Variants in FAT2 observed in about 807,000 individuals in gnomAD.
The protein encoded by FAT2 is protocadherin Fat 2.
Under a neutral mutation model 295.3 loss-of-function variants are expected in FAT2, and 150 were observed. The observed-to-expected ratio is 0.51, with a 90% CI of 0.44 to 0.58. The LOEUF (loss-of-function observed/expected upper bound fraction) is 0.58, where lower values mean the gene tolerates loss of function less well. Ranked by LOEUF, FAT2 falls within the 20% of genes least tolerant of loss-of-function variation. The pLI is 0.00. For missense variants in FAT2, 4,868 were observed against 5,442.7 expected, an observed-to-expected ratio of 0.89 and a Z score of 3.32; for synonymous variants, 2,026 against 2,150.3, an observed-to-expected ratio of 0.94 and a Z score of 1.60.
At chr5:151,537,522 C>A (rs1169208821) in intron 12 of FAT2, among the ~76,000 whole-genome samples, 1 of 151,794 alleles carries the variant, frequency 6.6e-6, no homozygotes, top group Non-Finnish European at 1.5e-5. Flanking sequence ...TAAAATAAAT[C>A]CCCTTAGCAT....
In FAT2 at chr5:151,529,305, G is replaced by C. The variant is rs778466337; in HGVS notation, c.9899C>G (p.Ser3300Cys). ...CATGACTGTGGTCACGTCACTGAGG[G>C]AAGAGGAGCTCTTCCGGCTGCACTC... ...SIECSRKSSS[S>C]LSDVTTVMVN... The change falls in exon 15 of 24, where the codon TCC (serine) becomes TGC (cysteine). Residue 3300 changes from serine (S) to cysteine (C), a missense_variant. Physicochemically the swap from Ser to Cys is moderately radical, Grantham distance 112. Transcript: ENST00000261800. 3 of 1,614,098 alleles carry C rather than the reference G, an allele frequency of 1.9e-6. No individual in the cohort carries two copies. The highest frequency in any genetic ancestry group is 2.5e-6 in the Non-Finnish European group (3 of 1,179,998).
At chr5:151,563,676 G>T (rs1397535478) in intron 2 of FAT2, 37 bp from the exon 3 acceptor site, 1 of 1,580,028 alleles carries the variant, frequency 6.3e-7, no homozygotes, top group African/African-American at 1.4e-5. Context: ...AAATACTTTA[G>T]AGCTCAAAGT....
In FAT2 at chr5:151,542,401, T is replaced by G; in HGVS notation, c.8726A>C (p.Glu2909Ala). 1 of 1,614,142 alleles carries G rather than the reference T, an allele frequency of 6.2e-7. No individual in the cohort carries two copies. Among genetic ancestry groups the G allele is most frequent in the Non-Finnish European group, 8.5e-7 (1 of 1,180,032 alleles). Residue 2909 changes from glutamate (E) to alanine (A), a missense_variant, in exon 10 of 24, where the codon GAA (glutamate) becomes GCA (alanine). Coordinates refer to ENST00000261800, the MANE Select transcript of FAT2 (RefSeq NM_001447.3). Reference sequence around the variant, plus strand: ...CTCAACCACAGATCCTCTGTACTCTTCAGAAGCAAATCGGGGAGCATTGTC... The same window carrying G: ...CTCAACCACAGATCCTCTGTACTCTGCAGAAGCAAATCGGGGAGCATTGTC... ...ENDNAPRFASEEYRGSVVENS... is the reference protein window; with the variant it reads ...ENDNAPRFASAEYRGSVVENS...
At position 151,512,411 on chromosome 5, in the gene FAT2, G is replaced by A. The variant is rs2127570626; in HGVS notation, c.11659C>T (p.Pro3887Ser). The change falls in exon 21 of 24, where the codon CCC becomes TCC. Residue 3887 changes from proline to serine, a missense_variant. By Grantham distance (74) the Pro-to-Ser change is moderately conservative (BLOSUM62 -1). Around this residue, in one of 5 missense-constraint regions of FAT2, gnomAD observed 1,046 missense variants for 1,210.1 expected, o/e 0.86. Transcript: ENST00000261800. The surrounding 1 kb of genome is among the most constrained non-coding windows in gnomAD (Gnocchi z 4.1). ...CCGCCCAGCAAGAGGTGCCTTTCGGGCCTCAGACCACGGCAGTTCTCTGGG... is the reference window on the plus strand; with the variant it reads ...CCGCCCAGCAAGAGGTGCCTTTCGGACCTCAGACCACGGCAGTTCTCTGGG... ...VVPENCRGLR[P>S]ERHLLLGGLI... The A allele has an allele frequency of 6.2e-7, 1 of 1,614,246 alleles. No individual in the cohort carries two copies. The highest frequency in any genetic ancestry group is 1.1e-5 in the South Asian group (1 of 91,084).
chr5:151,554,748 T>C, intron 4 of FAT2, 75 bp from the exon 5 acceptor site: 1 of 1,125,302 alleles, frequency 8.9e-7, no homozygotes. Context: ...AACCTGGAAA[T>C]AGTAGTCACT....
chr5:151,520,346 G>T (rs1459504975), intron 19 of FAT2, among the ~76,000 whole-genome samples: 1 of 152,254 alleles, frequency 6.6e-6, no homozygotes, highest in African/African-American at 2.4e-5. Context: ...AGGCTTTAGA[G>T]TGGGACACAC....
Position 151,566,539 on chromosome 5 carries a change from G to A in FAT2, c.2393C>T (p.Pro798Leu), listed in dbSNP as rs779532369. The change falls in exon 2 of 24, where the codon CCC (proline) becomes CTC (leucine). Residue 798 changes from proline (P) to leucine (L), a missense_variant. Pro to Leu is a moderately conservative substitution (Grantham distance 98). This residue lies in a region of FAT2 where 3,297 missense variants were observed against 3,669.4 expected (regional missense o/e 0.90). Transcript: ENST00000261800. ...LNVTVYDLGT[P>L]QKSSWKLLTV... ...CAGCAGCTTCCAGGAGGACTTCTGG[G>A]GTGTGCCCAGGTCATATACTGTTAC... 6.2e-7 allele frequency: 1 copy of A among 1,614,048 alleles called. No individual in the cohort carries two copies. The highest frequency in any genetic ancestry group is 8.5e-7 in the Non-Finnish European group (1 of 1,180,008).
chr5:151,528,639 T>C (rs1442369515), intron 15 of FAT2, among the ~76,000 whole-genome samples: 1 of 152,046 alleles, frequency 6.6e-6, no homozygotes, highest in Non-Finnish European at 1.5e-5. Flanking sequence ...GATATTCCTG[T>C]GTGGTTGGAG....
rs144090492 is a variant in FAT2, at chr5:151,512,329, T to C, written c.11741A>G (p.Asp3914Gly). 1 of 1,614,168 alleles carries C rather than the reference T, an allele frequency of 6.2e-7. No individual in the cohort carries two copies. The highest frequency in any genetic ancestry group is 8.5e-7 in the Non-Finnish European group (1 of 1,180,024). ...NVSQGFEGCL[D>G]AVVVNEEALD... is the part of the protein sequence containing the mutation. ...AGCCTCTTCGTTGACCACGACAGCA[T>C]CCAGGCAGCCTTCAAAGCCCTGGGA... Residue 3914 changes from aspartate (D) to glycine (G), a missense_variant, in exon 21 of 24, where the codon GAT becomes GGT. Transcript: ENST00000261800. The surrounding 1 kb of genome is among the most constrained non-coding windows in gnomAD (Gnocchi z 4.1).
intron 20 of FAT2, 98 bp downstream of exon 20, chr5:151,517,522 T>C (rs187875053): frequency 6.9e-7 from 1 of 1,439,418 alleles, no homozygotes; most frequent in Non-Finnish European, 9.6e-7. Context: ...AGGGATTTCT[T>C]TGGCAGAAAT....
chr5:151,509,549 T>C (rs1761156555), intron 22 of FAT2: 1 of 155,344 alleles, frequency 6.4e-6, no homozygotes, highest in African/African-American at 2.4e-5. Context: ...ACAAACCCTG[T>C]TGTGAACTGT....
rs548096538 is a variant in FAT2, at chr5:151,591,282, G to C, written c.-138C>G. Reference sequence around the variant, plus strand: ...GTGCAGAGACTCGGAGCAGGAAGGCGCGCAGCCCGCAGCCGGAGAGGCTGC... The same window carrying C: ...GTGCAGAGACTCGGAGCAGGAAGGCCCGCAGCCCGCAGCCGGAGAGGCTGC... On this transcript the variant is annotated 5_prime_UTR_variant, in exon 1 of 24. Coordinates refer to ENST00000261800, the MANE Select transcript of FAT2 (RefSeq NM_001447.3). Among the ~76,000 whole-genome samples the C allele has an allele frequency of 6.6e-6, 1 of 152,338 alleles. No homozygotes were observed. The highest frequency in any genetic ancestry group is 1.5e-5 in the Non-Finnish European group (1 of 68,032).
chr5:151,508,702 T>C (rs1477287363), intron 22 of FAT2, among the ~76,000 whole-genome samples: 2 of 142,312 alleles, frequency 1.4e-5, no homozygotes, highest in Non-Finnish European at 1.5e-5. Context: ...AGAGTGAAAC[T>C]CCTTCTCAAA....
At chr5:151,553,827 T>A (rs1386452658) in intron 5 of FAT2, among the ~76,000 whole-genome samples, 2 of 152,126 alleles carry the variant, frequency 1.3e-5, no homozygotes, top group Admixed American at 6.5e-5. Context: ...TTGGAAGAGG[T>A]CCTGTTATCA....
At chr5:151,552,670 T>C (rs1178174391) in intron 6 of FAT2, among the ~76,000 whole-genome samples, 1 of 152,158 alleles carries the variant, frequency 6.6e-6, no homozygotes, top group Admixed American at 6.5e-5. Context: ...AAAACCTTGA[T>C]TTAGAGACAG....
At chr5:151,565,295 T>C (rs1387183443) in intron 2 of FAT2, among the ~76,000 whole-genome samples, 2 of 152,010 alleles carry the variant, frequency 1.3e-5, no homozygotes, top group African/African-American at 4.8e-5. Flanking sequence ...ATATATGATA[T>C]ATAAGATACA....
intron 1 of FAT2, among the ~76,000 whole-genome samples, chr5:151,569,254 C>T (rs746976115): frequency 4.6e-5 from 7 of 152,266 alleles, no homozygotes; most frequent in Non-Finnish European, 7.3e-5. Flanking sequence ...ATGGACTCAC[C>T]GTTCCACATG....
At position 151,550,581 on chromosome 5, in the gene FAT2, T is replaced by C. The variant is rs754273514; in HGVS notation, c.4578+9A>G. On this transcript the variant is annotated intron_variant, in intron 8 of 23. Transcript: ENST00000261800. ...AACGTATTCTCACCAGATTTTTCCATTTACTCACCATGACTGTCAGTGTGT... is the reference window on the plus strand; with the variant it reads ...AACGTATTCTCACCAGATTTTTCCACTTACTCACCATGACTGTCAGTGTGT... 2 of 1,613,748 alleles carry C rather than the reference T, an allele frequency of 1.2e-6. No homozygotes were observed. The highest frequency in any genetic ancestry group is 1.7e-6 in the Non-Finnish European group (2 of 1,179,776).
At chr5:151,570,071 C>T (rs1182474529) in intron 1 of FAT2, among the ~76,000 whole-genome samples, 1 of 152,136 alleles carries the variant, frequency 6.6e-6, no homozygotes, top group Non-Finnish European at 1.5e-5. Context: ...TATCAGAGTG[C>T]CTAGTTTATT....
Sources: allele counts gnomAD v4.1 joint callset (sites outside exome capture counted in the v4.1 genomes callset), GRCh38; gene constraint gnomAD v4.1.1; regional missense constraint gnomAD v4.1.1; non-coding constraint Gnocchi (gnomAD v3.1); transcripts MANE v1.5; gene names NCBI Gene and HGNC (gene_info 2026-07-23, HGNC 2026-07-21).